PCDH15: variants seen among roughly 807,000 people sequenced by gnomAD.
PCDH15 encodes protocadherin-15.
In PCDH15, 129 loss-of-function variants were observed where a neutral mutation model predicts 178.5. The ratio of observed to expected loss-of-function variants is 0.72; its 90% CI spans 0.63 to 0.84. PCDH15 has a LOEUF of 0.84. Among genes scored for constraint, PCDH15 ranks in the 40% least tolerant of loss-of-function variants. The pLI is 0.00. For synonymous variants in PCDH15, 800 were observed against 732.0 expected (o/e 1.09, Z -1.50); for missense variants, 2,230 against 2,099.9 (o/e 1.06, Z -1.21).
At chr10:54,380,292 T>C (rs1414529680) in intron 3 of PCDH15, among the ~76,000 whole-genome samples, 1 of 151,848 alleles carries the variant, frequency 6.6e-6, no homozygotes, top group African/African-American at 2.4e-5. Context: ...GAATATTGAG[T>C]GGAATGAGTA....
At chr10:54,160,722 A>G (rs924399700) in intron 13 of PCDH15, among the ~76,000 whole-genome samples, 17 of 152,222 alleles carry the variant, frequency 1.1e-4, no homozygotes, top group African/African-American at 4.1e-4. Context: ...GAAAACAAAC[A>G]CAAATTTTTT....
At chr10:55,036,315 T>C (rs532729493) in intron 2 of PCDH15, among the ~76,000 whole-genome samples, 1 of 152,322 alleles carries the variant, frequency 6.6e-6, no homozygotes, top group African/African-American at 2.4e-5. Context: ...TGTTCGGTTA[T>C]AGCAGCACAA....
At chr10:54,951,708 A>C (rs1489714455) in intron 2 of PCDH15, among the ~76,000 whole-genome samples, 1 of 151,830 alleles carries the variant, frequency 6.6e-6, no homozygotes, top group Non-Finnish European at 1.5e-5. Flanking sequence ...TTTGCTTTAC[A>C]TCCACTCTGA....
intron 2 of PCDH15, among the ~76,000 whole-genome samples, chr10:54,595,826 A>C (rs1194127245): frequency 2.6e-5 from 4 of 152,202 alleles, no homozygotes; most frequent in Admixed American, 2.0e-4. Flanking sequence ...TCATAATGCA[A>C]TTGTATTAAG....
At chr10:55,554,382 C>T (rs534175280) in intron 2 of PCDH15, among the ~76,000 whole-genome samples, 1 of 151,988 alleles carries the variant, frequency 6.6e-6, no homozygotes, top group Non-Finnish European at 1.5e-5. Flanking sequence ...TTACAGACAA[C>T]TTGAGCATAA....
At chr10:54,232,979 A>C (rs1453119717) in intron 9 of PCDH15, among the ~76,000 whole-genome samples, 1 of 139,880 alleles carries the variant, frequency 7.1e-6, no homozygotes, top group South Asian at 2.2e-4. Context: ...TCCATCACTC[A>C]GGCTGGAGTA....
intron 1 of PCDH15, among the ~76,000 whole-genome samples, chr10:55,271,666 T>C (rs141163891): frequency 1.3e-5 from 2 of 152,176 alleles, no homozygotes; most frequent in African/African-American, 4.8e-5. Context: ...CAGTGGTCAC[T>C]CCTGTACTCA....
Position 54,945,734 on chromosome 10 carries a change from T to C in PCDH15, c.-79-48234A>G, listed in dbSNP as rs995840792. Reference sequence around the variant, plus strand: ...AAATGGCTGGAAGCACTTTTATTCATTCATTCTTTAAGGCTCAATCTTACC... The same window carrying C: ...AAATGGCTGGAAGCACTTTTATTCACTCATTCTTTAAGGCTCAATCTTACC... On this transcript the variant is annotated intron_variant, in intron 2 of 5. Coordinates refer to the PCDH15 transcript ENST00000458638. Among the ~76,000 whole-genome samples the C allele has an allele frequency of 3.3e-5, 5 of 151,924 alleles. 1 individual carries two copies. The highest frequency in any genetic ancestry group is 7.4e-5 in the Non-Finnish European group (5 of 67,798).
intron 2 of PCDH15, among the ~76,000 whole-genome samples, chr10:55,590,723 C>A (rs1232611048): frequency 1.3e-5 from 2 of 152,088 alleles, no homozygotes; most frequent in Admixed American, 6.6e-5. Context: ...TGTTGTCTGA[C>A]AAATTAAGAT....
chr10:55,292,450 C>T (rs536296940), intron 1 of PCDH15, among the ~76,000 whole-genome samples: 10 of 152,186 alleles, frequency 6.6e-5, no homozygotes, highest in South Asian at 4.2e-4. Context: ...GGCATGATCT[C>T]GGCTCACTGC....
chr10:55,447,447 C>T (rs1329441037), intron 2 of PCDH15, among the ~76,000 whole-genome samples: 1 of 151,902 alleles, frequency 6.6e-6, no homozygotes, highest in Non-Finnish European at 1.5e-5. Flanking sequence ...TTGAGGAAAT[C>T]ATTCAACAAA....
intron 6 of PCDH15, among the ~76,000 whole-genome samples, chr10:54,346,147 A>C (rs1194180760): frequency 1.3e-5 from 2 of 152,146 alleles, no homozygotes; most frequent in African/African-American, 4.8e-5. Flanking sequence ...ATACCTATGA[A>C]TATATTTTAA....
chr10:53,973,523 T>C (rs1178485821), intron 21 of PCDH15, among the ~76,000 whole-genome samples: 2 of 152,162 alleles, frequency 1.3e-5, no homozygotes, highest in Admixed American at 6.5e-5. Context: ...CATTTTGAAA[T>C]TGTGATAAAA....
At chr10:55,248,203 T>C (rs1841735990) in intron 1 of PCDH15, among the ~76,000 whole-genome samples, 1 of 151,836 alleles carries the variant, frequency 6.6e-6, no homozygotes, top group Non-Finnish European at 1.5e-5. Flanking sequence ...TACACATATA[T>C]ATATACACAC....
intron 2 of PCDH15, among the ~76,000 whole-genome samples, chr10:55,002,679 T>G (rs1839820701): frequency 5.3e-5 from 8 of 152,232 alleles, no homozygotes; most frequent in Admixed American, 5.2e-4. Flanking sequence ...TGGACTACTT[T>G]CAAGAGACTC....
intron 1 of PCDH15, among the ~76,000 whole-genome samples, chr10:54,665,947 A>G (rs2135441249): frequency 6.6e-6 from 1 of 151,960 alleles, no homozygotes; most frequent in East Asian, 1.9e-4. Flanking sequence ...GCGGATAAGA[A>G]TGTGGCTTTT....
chr10:55,472,800 C>A (rs757765447), intron 2 of PCDH15, among the ~76,000 whole-genome samples: 6 of 152,168 alleles, frequency 3.9e-5, no homozygotes, highest in Non-Finnish European at 8.8e-5. Flanking sequence ...CATCTCCTGA[C>A]CTCGTGATCC....
chr10:55,365,975 T>G (rs1209167473), intron 2 of PCDH15: 1 of 152,182 alleles, frequency 6.6e-6, no homozygotes. Flanking sequence ...CTTACTCATG[T>G]CTGTACCCAG....
chr10:55,072,716 G>A (rs938919840), intron 2 of PCDH15, among the ~76,000 whole-genome samples: 2 of 151,810 alleles, frequency 1.3e-5, no homozygotes, highest in Admixed American at 1.3e-4. Flanking sequence ...CCAATCAATA[G>A]AAAAAGAGGG....
Sources: gnomAD v4.1 joint callset for allele counts (sites outside exome capture counted in the v4.1 genomes callset) on GRCh38, gnomAD v4.1.1 for gene constraint, MANE v1.5 for transcripts, NCBI Gene and HGNC (gene_info 2026-07-23, HGNC 2026-07-21) for gene names.